FAR2: variants seen among roughly 807,000 people sequenced by gnomAD.
The protein encoded by FAR2 is epididymis secretory protein Li 81.
A neutral mutation model predicts 56.0 loss-of-function variants in FAR2; 19 were observed. The observed-to-expected ratio is 0.34, with a 90% CI of 0.24 to 0.50. The LOEUF is 0.50. Ranked by LOEUF, FAR2 falls within the 20% of genes least tolerant of loss-of-function variation. The pLI, the probability that FAR2 is intolerant of heterozygous loss-of-function variation, is 0.98. For missense variants in FAR2, 508 were observed against 642.2 expected, an observed-to-expected ratio of 0.79 and a Z score of 2.26; for synonymous variants, 219 against 218.8, an observed-to-expected ratio of 1.00 and a Z score of -0.01.
At chr12:29,285,120 C>T (rs1948852498) in intron 2 of FAR2, among the ~76,000 whole-genome samples, 1 of 152,148 alleles carries the variant, frequency 6.6e-6, no homozygotes, top group African/African-American at 2.4e-5. Flanking sequence ...GGATTACAGG[C>T]GTGAGCCACC....
intron 1 of FAR2, among the ~76,000 whole-genome samples, chr12:29,169,180 CAG>C (rs1949862085): frequency 6.6e-6 from 1 of 152,190 alleles, no homozygotes; most frequent in African/African-American, 2.4e-5. Context: ...CCCCTCTAAA[CAG>C]GACACCCCAA....
chr12:29,188,755 G>T (rs1208899208), intron 1 of FAR2, among the ~76,000 whole-genome samples: 1 of 148,366 alleles, frequency 6.7e-6, no homozygotes, highest in Non-Finnish European at 1.5e-5. Context: ...TTGTTTTTTT[G>T]TTTGTTTGAT....
At chr12:29,209,342 G>A (rs938721666) in intron 1 of FAR2, among the ~76,000 whole-genome samples, 8 of 152,212 alleles carry the variant, frequency 5.3e-5, no homozygotes, top group Non-Finnish European at 7.3e-5. Flanking sequence ...TAGATAAGAT[G>A]CATCAGGTCA....
chr12:29,265,509 C>G lies in FAR2; in HGVS notation c.-38-4903C>G, dbSNP rs199818214. Among the ~76,000 whole-genome samples, 55 of 152,262 alleles carry G rather than the reference C, an allele frequency of 3.6e-4. 1 individual carries two copies. The East Asian group carries it at 9.3e-3, about 26-fold the overall frequency. On this transcript the variant is annotated intron_variant, in intron 1 of 11. Transcript: ENST00000536681. ...ATGAAACTAGACCCCTATCTCTTGC[C>G]ATTTGCAAAAATCAAAACAAATTGG...
chr12:29,223,152 G>A (rs1947717317), intron 1 of FAR2, among the ~76,000 whole-genome samples: 1 of 152,098 alleles, frequency 6.6e-6, no homozygotes, highest in South Asian at 2.1e-4. Context: ...CCCATCCCAG[G>A]ATTACAGACA....
intron 4 of FAR2, among the ~76,000 whole-genome samples, chr12:29,305,086 T>C (rs2136776876): frequency 6.6e-6 from 1 of 152,264 alleles, no homozygotes; most frequent in Non-Finnish European, 1.5e-5. Flanking sequence ...TGTTTGGCTG[T>C]ATTATAAGTG....
At chr12:29,238,270 A>G (rs1188761568) in intron 1 of FAR2, among the ~76,000 whole-genome samples, 1 of 152,140 alleles carries the variant, frequency 6.6e-6, no homozygotes, top group Non-Finnish European at 1.5e-5. Context: ...GATTACAGAA[A>G]CAGATATGGA....
chr12:29,218,793 A>G (rs969036964), intron 1 of FAR2, among the ~76,000 whole-genome samples: 1 of 152,208 alleles, frequency 6.6e-6, no homozygotes, highest in Non-Finnish European at 1.5e-5. Context: ...AGTGAGCATA[A>G]CGGCAAACTT....
At chr12:29,223,117 T>A (rs1020905905) in intron 1 of FAR2, among the ~76,000 whole-genome samples, 1 of 152,204 alleles carries the variant, frequency 6.6e-6, no homozygotes, top group Non-Finnish European at 1.5e-5. Flanking sequence ...TTACTAACAG[T>A]CTGTAGGGAA....
chr12:29,188,720 T>C (rs762406732), intron 1 of FAR2, among the ~76,000 whole-genome samples: 21 of 152,156 alleles, frequency 1.4e-4, no homozygotes, highest in Non-Finnish European at 4.4e-5. Flanking sequence ...TTTTCTCTGG[T>C]CTCTGATATT....
rs576584434 is a variant in FAR2, at chr12:29,320,591, T to C, written c.1128-1204T>C. On this transcript the variant is annotated intron_variant, in intron 9 of 11. Coordinates refer to ENST00000536681, the MANE Select transcript of FAR2 (RefSeq NM_001271783.2). ...CTGAGCCAACTATAGTAATCACTAC[T>C]GCCAAGACTGGTTAACTACAAATCA... Among the ~76,000 whole-genome samples, 10 of 152,322 alleles carry C rather than the reference T, an allele frequency of 6.6e-5. No individual in the cohort carries two copies. The East Asian group carries it at 1.9e-3, about 29-fold the overall frequency.
At chr12:29,200,249 C>T (rs1947389908) in intron 1 of FAR2, among the ~76,000 whole-genome samples, 2 of 152,294 alleles carry the variant, frequency 1.3e-5, no homozygotes, top group East Asian at 1.9e-4. Flanking sequence ...GAATGGTACT[C>T]CCTGGTGCTG....
Position 29,333,700 on chromosome 12 carries a change from G to A in FAR2, c.1454G>A (p.Arg485Lys). Residue 485 changes from arginine to lysine, a missense_variant, in exon 12 of 12, where the codon AGA becomes AAA. Transcript: ENST00000536681. ...FLIAWRLLIARSQMARNVWFF... is the reference protein window; with the variant it reads ...FLIAWRLLIAKSQMARNVWFF... ...ATCGCCTGGCGCCTTCTCATTGCAA[G>A]ATCTCAGATGGCTCGGAATGTCTGG... 1 of 1,613,844 alleles carries A rather than the reference G, an allele frequency of 6.2e-7. No homozygotes were observed. The highest frequency in any genetic ancestry group is 8.5e-7 in the Non-Finnish European group (1 of 1,179,770).
At chr12:29,248,744 C>T (rs1644258536) in intron 1 of FAR2, among the ~76,000 whole-genome samples, 1 of 152,154 alleles carries the variant, frequency 6.6e-6, no homozygotes, top group African/African-American at 2.4e-5. Context: ...CCCCTGCAGT[C>T]TCGACCATAA....
chr12:29,235,122 A>T (rs1591876573), intron 1 of FAR2, among the ~76,000 whole-genome samples: 1 of 152,184 alleles, frequency 6.6e-6, no homozygotes, highest in Admixed American at 6.6e-5. Context: ...CAGAGATCAC[A>T]TCCTTCTTAT....
intron 1 of FAR2, among the ~76,000 whole-genome samples, chr12:29,226,664 T>C (rs1947774056): frequency 6.6e-6 from 1 of 152,192 alleles, no homozygotes; most frequent in Non-Finnish European, 1.5e-5. Flanking sequence ...TCAGAGAGTT[T>C]AGATATTTAA....
chr12:29,154,473 T>C lies in FAR2; in HGVS notation c.-39+5066T>C, dbSNP rs1447146897. ...TTTTTGAGACAGAGTCTCTCTCTCT[T>C]GCCCAGGCTGGAGTGCAGTGGTGTG... On this transcript the variant is annotated intron_variant, in intron 1 of 11. Coordinates refer to ENST00000536681, the MANE Select transcript of FAR2 (RefSeq NM_001271783.2). 2.6e-5 allele frequency among the ~76,000 whole-genome samples: 4 copies of C among 152,040 alleles called. No individual in the cohort carries two copies. The East Asian group carries it at 7.7e-4, about 29-fold the overall frequency.
chr12:29,175,822 T>C (rs930617815), intron 1 of FAR2, among the ~76,000 whole-genome samples: 4 of 152,176 alleles, frequency 2.6e-5, no homozygotes, highest in Non-Finnish European at 5.9e-5. Flanking sequence ...TTACAATCCT[T>C]TAGCTAGACA....
chr12:29,178,423 A>G (rs1168707630), intron 1 of FAR2, among the ~76,000 whole-genome samples: 1 of 152,178 alleles, frequency 6.6e-6, no homozygotes, highest in Non-Finnish European at 1.5e-5. Context: ...GCCAAGCCCC[A>G]TCTCTACAAG....
Sources: gnomAD v4.1 joint callset for allele counts (sites outside exome capture counted in the v4.1 genomes callset) on GRCh38, gnomAD v4.1.1 for gene constraint, MANE v1.5 for transcripts, NCBI Gene and HGNC (gene_info 2026-07-23, HGNC 2026-07-21) for gene names.